SLC15A1: variants seen among roughly 807,000 people sequenced by gnomAD.
The protein encoded by SLC15A1 is solute carrier family 15 member 1, also known as Caco-2 oligopeptide transporter.
A neutral mutation model predicts 92.9 loss-of-function variants in SLC15A1; 83 were observed. The observed-to-expected ratio is 0.89, with a 90% CI of 0.75 to 1.07. SLC15A1 has a LOEUF of 1.07. Among genes scored for constraint, SLC15A1 ranks in the 50% least tolerant of loss-of-function variants. SLC15A1 has a pLI of 0.00. For missense variants in SLC15A1, 857 were observed against 880.1 expected, an observed-to-expected ratio of 0.97 and a Z score of 0.33; for synonymous variants, 322 against 318.2, an observed-to-expected ratio of 1.01 and a Z score of -0.13.
intron 4 of SLC15A1, 104 bp from the exon 5 acceptor site, chr13:98,724,135 A>T: frequency 7.3e-7 from 1 of 1,367,184 alleles, no homozygotes. Context: ...CAAGAGCCCA[A>T]TCCTGAATAC....
intron 14 of SLC15A1, 114 bp from the exon 15 acceptor site, chr13:98,708,881 T>C: frequency 1.6e-6 from 1 of 606,454 alleles, no homozygotes; most frequent in South Asian, 2.8e-5. Context: ...AAACATGGGC[T>C]TGAAAGCACC....
chr13:98,687,389 C>A (rs1458073574), intron 21 of SLC15A1, among the ~76,000 whole-genome samples, 192 bp downstream of exon 21: 3 of 152,148 alleles, frequency 2.0e-5, no homozygotes, highest in Non-Finnish European at 2.9e-5. Context: ...TTGCAAAGTT[C>A]AAGACAGTAA....
chr13:98,747,340 A>G (rs1301131899), intron 1 of SLC15A1, among the ~76,000 whole-genome samples: 1 of 152,172 alleles, frequency 6.6e-6, no homozygotes, highest in African/African-American at 2.4e-5. Context: ...TGCAAAGCAT[A>G]GAATCAAGAC....
intron 1 of SLC15A1, among the ~76,000 whole-genome samples, chr13:98,751,744 C>T (rs776649014): frequency 3.9e-5 from 6 of 152,202 alleles, no homozygotes; most frequent in Non-Finnish European, 8.8e-5. Context: ...CATCACTCCA[C>T]CAGGACCACT....
chr13:98,712,053 G>C (rs1012257159), intron 10 of SLC15A1, 110 bp from the exon 11 acceptor site: 22 of 771,834 alleles, frequency 2.9e-5, no homozygotes, highest in Non-Finnish European at 4.5e-5. Flanking sequence ...TGCATCTAGA[G>C]GCAAGCTGGG....
intron 18 of SLC15A1, among the ~76,000 whole-genome samples, chr13:98,701,352 T>A (rs1033744008): frequency 7.2e-5 from 11 of 152,192 alleles, no homozygotes; most frequent in African/African-American, 2.7e-4. Flanking sequence ...GCTAGTACAT[T>A]GAACAGTGAT....
chr13:98,696,572 G>A (rs560120688), intron 18 of SLC15A1, among the ~76,000 whole-genome samples: 3 of 152,162 alleles, frequency 2.0e-5, no homozygotes, highest in Non-Finnish European at 1.5e-5. Flanking sequence ...ATTCTGAGGC[G>A]AAAGGGAAAC....
chr13:98,746,694 A>C (rs2139615037), intron 1 of SLC15A1, among the ~76,000 whole-genome samples: 1 of 152,252 alleles, frequency 6.6e-6, no homozygotes, highest in African/African-American at 2.4e-5. Flanking sequence ...ACATTTTGTG[A>C]ATTTTCTATT....
chr13:98,708,022 A>T (rs535214505), intron 15 of SLC15A1, among the ~76,000 whole-genome samples: 2 of 151,362 alleles, frequency 1.3e-5, no homozygotes, highest in East Asian at 3.9e-4. Flanking sequence ...TGGAGTAGCC[A>T]GTCTTTATTC....
chr13:98,729,466 A>T (rs1452829178), intron 1 of SLC15A1, among the ~76,000 whole-genome samples: 1 of 152,200 alleles, frequency 6.6e-6, no homozygotes, highest in Non-Finnish European at 1.5e-5. Flanking sequence ...TCTGGGGACT[A>T]CACTTGGAGG....
chr13:98,729,308 T>G (rs7336318), intron 1 of SLC15A1, among the ~76,000 whole-genome samples: 143,799 of 152,188 alleles, frequency 0.94, 68,091 homozygotes, highest in East Asian at 1. Context: ...CCCCAGTGTT[T>G]CGAGCAGCAG....
At chr13:98,715,711 T>C (rs2088207063) in intron 9 of SLC15A1, among the ~76,000 whole-genome samples, 167 bp downstream of exon 9, 1 of 152,232 alleles carries the variant, frequency 6.6e-6, no homozygotes, top group Admixed American at 6.5e-5. Context: ...CCTTATTAAG[T>C]TCTGTTTGTG....
At chr13:98,749,479 A>T (rs1372370488) in intron 1 of SLC15A1, among the ~76,000 whole-genome samples, 1 of 152,118 alleles carries the variant, frequency 6.6e-6, no homozygotes, top group African/African-American at 2.4e-5. Flanking sequence ...TAAGCTTTGG[A>T]TAAGGGAGTG....
At chr13:98,685,952 C>T (rs2087925036) in intron 22 of SLC15A1, among the ~76,000 whole-genome samples, 1 of 150,538 alleles carries the variant, frequency 6.6e-6, no homozygotes, top group South Asian at 2.1e-4. Flanking sequence ...CGCCACTGCA[C>T]TCCAGCTGGG....
chr13:98,729,048 A>G (rs926914904), intron 1 of SLC15A1, among the ~76,000 whole-genome samples: 2 of 150,308 alleles, frequency 1.3e-5, no homozygotes, highest in Non-Finnish European at 3.0e-5. Context: ...TAGATAGCAG[A>G]TCTGGAATGT....
chr13:98,689,445 G>T (rs780912389), intron 18 of SLC15A1, among the ~76,000 whole-genome samples: 1 of 151,892 alleles, frequency 6.6e-6, no homozygotes, highest in Non-Finnish European at 1.5e-5. Flanking sequence ...ACAAGAGACG[G>T]TTTTTTCAGT....
intron 11 of SLC15A1, among the ~76,000 whole-genome samples, chr13:98,711,489 A>G (rs2088162331): frequency 6.6e-6 from 1 of 152,194 alleles, no homozygotes; most frequent in Non-Finnish European, 1.5e-5. Context: ...GGGCTCCATA[A>G]AAGGCAATGT....
Position 98,697,139 on chromosome 13 carries a change from T to C in SLC15A1, c.1466+5341A>G, listed in dbSNP as rs555800187. ...GCCGCGATCTTGGCTCACTGCAACC[T>C]CTGCCTCCTGGGTTCGAGTGATGCT... is the stretch of plus-strand genomic sequence containing the variant. On this transcript the variant is annotated intron_variant, in intron 18 of 22. Coordinates refer to ENST00000376503, the MANE Select transcript of SLC15A1 (RefSeq NM_005073.4). 4.6e-3 allele frequency among the ~76,000 whole-genome samples: 706 copies of C among 152,338 alleles called. 2 individuals carry two copies. The highest frequency in any genetic ancestry group is 7.7e-3 in the Non-Finnish European group (522 of 68,030).
chr13:98,730,634 C>G (rs763118398), intron 1 of SLC15A1, among the ~76,000 whole-genome samples: 1 of 152,264 alleles, frequency 6.6e-6, no homozygotes, highest in Non-Finnish European at 1.5e-5. Context: ...CTGGAAGAGT[C>G]CTGCGAACCC....
Sources: gnomAD v4.1 joint callset for allele counts (sites outside exome capture counted in the v4.1 genomes callset) on GRCh38, gnomAD v4.1.1 for gene constraint, MANE v1.5 for transcripts, NCBI Gene and HGNC (gene_info 2026-07-23, HGNC 2026-07-21) for gene names.